The following SYT16 variants were observed in gnomAD, a reference collection of about 807,000 sequenced individuals.
SYT16 encodes the protein synaptotagmin-16.
Under a neutral mutation model 61.4 loss-of-function variants are expected in SYT16, and 42 were observed. That is an observed-to-expected ratio of 0.68 (90% CI 0.53 to 0.89). The LOEUF is 0.89. SYT16 is among the 40% of genes least tolerant of loss of function. SYT16 has a pLI of 0.00. For synonymous variants in SYT16, 314 were observed against 302.3 expected (o/e 1.04, Z -0.40); for missense variants, 804 against 807.3 (o/e 1.00, Z 0.05).
At chr14:61,896,685 G>A (rs567390596) in intron 1 of SYT16, among the ~76,000 whole-genome samples, 13 of 152,256 alleles carry the variant, frequency 8.5e-5, no homozygotes, top group Non-Finnish European at 1.6e-4. Context: ...AGTAAAATAT[G>A]CCAAATAGGG....
chr14:62,033,411 A>G (rs1179728540), intron 3 of SYT16, among the ~76,000 whole-genome samples: 4 of 152,126 alleles, frequency 2.6e-5, no homozygotes, highest in Non-Finnish European at 5.9e-5. Context: ...AATGTGGTCT[A>G]TCCATCAAAG....
Position 62,106,490 on chromosome 14 carries a change from C to T in SYT16, c.*5783C>T, listed in dbSNP as rs2057515579. 1 of 152,120 alleles carries T rather than the reference C, an allele frequency of 6.6e-6. No individual in the cohort carries two copies. The highest frequency in any genetic ancestry group is 2.4e-5 in the African/African-American group (1 of 41,406). The allele number at this position is 152,120 out of a possible 1,614,324, so 9.4% of individuals were successfully genotyped here. The stretch of plus-strand genomic sequence containing the variant: ...GAAAAATGTACTTGAAGTCTTGGTT[C>T]TGCTAAAGAAGAATGAGAGGACACC... On this transcript the variant is annotated 3_prime_UTR_variant, in exon 8 of 8. Transcript: ENST00000683842.
chr14:62,080,388 A>C (rs1281932420), intron 5 of SYT16, among the ~76,000 whole-genome samples: 1 of 152,196 alleles, frequency 6.6e-6, no homozygotes, highest in Non-Finnish European at 1.5e-5. Flanking sequence ...ACTCCCATCA[A>C]AATTCTTGTC....
At chr14:62,062,825 A>G (rs986718164) in intron 3 of SYT16, among the ~76,000 whole-genome samples, 3 of 151,978 alleles carry the variant, frequency 2.0e-5, no homozygotes, top group African/African-American at 2.4e-5. Flanking sequence ...ACTGAGCACA[A>G]CCCACCCCTA....
intron 1 of SYT16, among the ~76,000 whole-genome samples, chr14:61,844,057 TG>T (rs1165441741): frequency 5.9e-5 from 9 of 152,182 alleles, no homozygotes; most frequent in Non-Finnish European, 1.0e-4. Flanking sequence ...TTCCATTTTT[TG>T]GTGCCTTCTT....
chr14:61,898,243 C>G (rs1236179317), intron 1 of SYT16, among the ~76,000 whole-genome samples: 1 of 152,110 alleles, frequency 6.6e-6, no homozygotes, highest in Non-Finnish European at 1.5e-5. Flanking sequence ...AATTCCCCAC[C>G]TCCCCCCACT....
chr14:61,917,786 T>C (rs949431241), intron 1 of SYT16, among the ~76,000 whole-genome samples: 3 of 152,156 alleles, frequency 2.0e-5, no homozygotes, highest in Non-Finnish European at 2.9e-5. Flanking sequence ...TCTGAAATGT[T>C]TGGGAGCAGA....
At chr14:62,019,677 C>T (rs1218393983) in intron 3 of SYT16, among the ~76,000 whole-genome samples, 4 of 152,240 alleles carry the variant, frequency 2.6e-5, no homozygotes, top group South Asian at 4.1e-4. Context: ...TCATGGGGTA[C>T]GTTTGCAAAC....
chr14:61,944,614 C>T (rs1413898802), intron 1 of SYT16, among the ~76,000 whole-genome samples: 1 of 152,062 alleles, frequency 6.6e-6, no homozygotes, highest in Non-Finnish European at 1.5e-5. Context: ...CTTTGGCAAA[C>T]CTGACAAAAA....
At chr14:61,980,291 T>A (rs2052015856) in intron 2 of SYT16, among the ~76,000 whole-genome samples, 2 of 152,210 alleles carry the variant, frequency 1.3e-5, no homozygotes, top group African/African-American at 4.8e-5. Context: ...TTGCTGTTTT[T>A]GTAGGTGAGA....
upstream of SYT16, chr14:61,812,634 G>C (rs890950867): frequency 6.8e-6 from 1 of 146,032 alleles, no homozygotes; most frequent in African/African-American, 2.5e-5. Context: ...TGCTGGGCGC[G>C]GGGCGGCGCG....
intron 3 of SYT16, among the ~76,000 whole-genome samples, chr14:62,046,274 C>A (rs1421056307): frequency 6.6e-6 from 1 of 152,092 alleles, no homozygotes; most frequent in African/African-American, 2.4e-5. Context: ...CTGTTCATAT[C>A]CTTCGCCCAC....
At chr14:61,815,010 A>G (rs2045384534) in intron 1 of SYT16, among the ~76,000 whole-genome samples, 2 of 152,224 alleles carry the variant, frequency 1.3e-5, no homozygotes. Context: ...GAATTACTCC[A>G]GAGAGCTTTA....
chr14:62,042,043 T>C (rs1222061368), intron 3 of SYT16, among the ~76,000 whole-genome samples: 1 of 152,256 alleles, frequency 6.6e-6, no homozygotes, highest in East Asian at 1.9e-4. Context: ...ATATATGGAA[T>C]ATAGTAATAT....
chr14:61,947,267 CGT>C (rs59798244), intron 1 of SYT16, among the ~76,000 whole-genome samples: 3,077 of 125,866 alleles, frequency 0.024, 36 homozygotes, highest in South Asian at 0.027. Context: ...TTTAGTCCTT[CGT>C]GTGTGTGTGT....
chr14:62,033,976 A>G (rs1595211591), intron 3 of SYT16, among the ~76,000 whole-genome samples: 1 of 152,342 alleles, frequency 6.6e-6, no homozygotes, highest in Middle Eastern at 3.4e-3. Context: ...AGGGACATGC[A>G]TCAAGAATGT....
At chr14:61,950,771 A>C (rs868426178) in intron 1 of SYT16, among the ~76,000 whole-genome samples, 3 of 152,348 alleles carry the variant, frequency 2.0e-5, no homozygotes, top group African/African-American at 7.2e-5. Context: ...ATTAGCACAG[A>C]CAGTAAAACA....
At chr14:62,031,210 A>G (rs975924481) in intron 3 of SYT16, among the ~76,000 whole-genome samples, 1 of 152,200 alleles carries the variant, frequency 6.6e-6, no homozygotes, top group African/African-American at 2.4e-5. Context: ...CCTCCTCCCT[A>G]TATGAAACAC....
chr14:61,867,158 TATA>T (rs2047183090), intron 1 of SYT16, among the ~76,000 whole-genome samples: 1 of 152,120 alleles, frequency 6.6e-6, no homozygotes, highest in Non-Finnish European at 1.5e-5. Context: ...TAGCTTTATA[TATA>T]ATAAGTGTTG....
Sources: allele counts gnomAD v4.1 joint callset (sites outside exome capture counted in the v4.1 genomes callset), GRCh38; gene constraint gnomAD v4.1.1; transcripts MANE v1.5; gene names NCBI Gene and HGNC (gene_info 2026-07-23, HGNC 2026-07-21).